The following RAB28 variants were observed in gnomAD, a reference collection of about 807,000 sequenced individuals.
The protein encoded by RAB28 is RAB28, member RAS oncogene family, also known as ras-related protein Rab-28.
RAB28 carries 24 observed loss-of-function variants against 31.7 expected under a neutral mutation model. The ratio of observed to expected loss-of-function variants is 0.76; its 90% confidence interval spans 0.55 to 1.06. The LOEUF (loss-of-function observed/expected upper bound fraction) is 1.06, where lower values mean the gene tolerates loss of function less well. Among genes scored for constraint, RAB28 ranks in the 50% least tolerant of loss-of-function variants. The pLI, the probability that RAB28 is intolerant of heterozygous loss-of-function variation, is 0.00. For synonymous variants in RAB28, 100 were observed against 90.4 expected (o/e 1.11, Z -0.60); for missense variants, 254 against 258.5 (o/e 0.98, Z 0.12).
intron 3 of RAB28, chr4:13,474,096 G>A (rs775564528): frequency 6.6e-5 from 45 of 684,362 alleles, no homozygotes; most frequent in African/African-American, 6.1e-4. Flanking sequence ...AATAACATAC[G>A]AAAGCTGTTC....
chr4:13,418,363 G>A (rs1318107922), intron 4 of RAB28, among the ~76,000 whole-genome samples: 1 of 152,134 alleles, frequency 6.6e-6, no homozygotes, highest in Non-Finnish European at 1.5e-5. Flanking sequence ...CCCCAACCCA[G>A]CAAGGCAGGC....
intron 4 of RAB28, among the ~76,000 whole-genome samples, chr4:13,453,208 T>C (rs1715071221): frequency 6.6e-6 from 1 of 152,100 alleles, no homozygotes. Flanking sequence ...GTTTTGTTTA[T>C]TTGTCTTAAT....
chr4:13,395,212 T>C (rs1729820835), intron 4 of RAB28, among the ~76,000 whole-genome samples: 2 of 152,228 alleles, frequency 1.3e-5, no homozygotes, highest in East Asian at 3.8e-4. Context: ...ATGATATAGC[T>C]GGTTTTATAT....
intron 4 of RAB28, among the ~76,000 whole-genome samples, chr4:13,435,017 CAAAA>C (rs991889676): frequency 2.1e-5 from 1 of 47,044 alleles, no homozygotes. Context: ...GACTCCGTCT[CAAAA>C]AAAAAAAAAA....
intron 4 of RAB28, among the ~76,000 whole-genome samples, chr4:13,407,327 C>T (rs575566606): frequency 3.1e-4 from 47 of 152,112 alleles, no homozygotes; most frequent in African/African-American, 1.1e-3. Context: ...AGATGTGTGG[C>T]GTTATTTCTG....
At chr4:13,420,620 T>G (rs1238778747) in intron 4 of RAB28, among the ~76,000 whole-genome samples, 2 of 152,086 alleles carry the variant, frequency 1.3e-5, no homozygotes, top group Non-Finnish European at 2.9e-5. Context: ...AATCAATAAA[T>G]GTAATCCATC....
chr4:13,450,031 T>C (rs2108950080), intron 4 of RAB28, among the ~76,000 whole-genome samples: 1 of 151,956 alleles, frequency 6.6e-6, no homozygotes, highest in South Asian at 2.1e-4. Flanking sequence ...GAACTTAAAA[T>C]TAATCTTTTT....
chr4:13,471,104 A>T (rs1716096182), intron 3 of RAB28, among the ~76,000 whole-genome samples: 1 of 152,094 alleles, frequency 6.6e-6, no homozygotes, highest in African/African-American at 2.4e-5. Context: ...AACCCTAAAT[A>T]ACACATTAAA....
intron 4 of RAB28, among the ~76,000 whole-genome samples, chr4:13,458,700 G>A (rs888159494): frequency 2.0e-5 from 3 of 152,084 alleles, no homozygotes; most frequent in Non-Finnish European, 4.4e-5. Context: ...CTTTTATACC[G>A]TATTTTTACT....
intron 3 of RAB28, among the ~76,000 whole-genome samples, chr4:13,469,819 G>A (rs375640941): frequency 5.9e-5 from 9 of 151,964 alleles, no homozygotes; most frequent in Non-Finnish European, 8.8e-5. Context: ...CTCTCTAGTA[G>A]CTAGGACTAC....
At chr4:13,376,210 A>G (rs1728915500) in intron 6 of RAB28, among the ~76,000 whole-genome samples, 1 of 152,148 alleles carries the variant, frequency 6.6e-6, no homozygotes, top group Non-Finnish European at 1.5e-5. Flanking sequence ...ATGTTTTAAA[A>G]TTGAATAGAG....
At chr4:13,474,775 C>A (rs1453813135) in intron 2 of RAB28, among the ~76,000 whole-genome samples, 2 of 151,498 alleles carry the variant, frequency 1.3e-5, no homozygotes, top group African/African-American at 2.4e-5. Context: ...AAAACTGAAG[C>A]TTTATATACT....
intron 4 of RAB28, among the ~76,000 whole-genome samples, chr4:13,445,287 A>G (rs1714637595): frequency 6.6e-6 from 1 of 151,954 alleles, no homozygotes; most frequent in Non-Finnish European, 1.5e-5. Flanking sequence ...GTAACCTTTC[A>G]TCAATGTTCA....
rs1729922341 is a variant in RAB28, at chr4:13,397,590, A to G, written c.392-15996T>C. 2.0e-5 allele frequency among the ~76,000 whole-genome samples: 3 copies of G among 152,138 alleles called. No homozygotes were observed. In the South Asian group the frequency reaches 6.2e-4, roughly 32 times the overall value. On this transcript the variant is annotated intron_variant, in intron 4 of 6. Transcript: ENST00000330852. ...AACAATATGACATTCTTCTCTTCAAATCCAATTTCTTACATGATCATAAAG... is the reference window on the plus strand; with the variant it reads ...AACAATATGACATTCTTCTCTTCAAGTCCAATTTCTTACATGATCATAAAG...
intron 4 of RAB28, among the ~76,000 whole-genome samples, chr4:13,382,229 A>G (rs1197103468): frequency 1.3e-5 from 2 of 152,194 alleles, no homozygotes; most frequent in Non-Finnish European, 2.9e-5. Flanking sequence ...TAGGTGCTTT[A>G]AAGCAAGGCA....
intron 2 of RAB28, among the ~76,000 whole-genome samples, chr4:13,474,935 C>T (rs890995258): frequency 6.6e-6 from 1 of 151,492 alleles, no homozygotes; most frequent in Non-Finnish European, 1.5e-5. Flanking sequence ...CAGCTACTAT[C>T]GGATATGGCA....
At chr4:13,482,793 A>C (rs969289649) in intron 1 of RAB28, among the ~76,000 whole-genome samples, 4 of 152,186 alleles carry the variant, frequency 2.6e-5, no homozygotes, top group African/African-American at 9.7e-5. Flanking sequence ...ACAAAAAAAT[A>C]CTTCAAATTT....
At chr4:13,424,732 T>C (rs1416728276) in intron 4 of RAB28, among the ~76,000 whole-genome samples, 1 of 152,222 alleles carries the variant, frequency 6.6e-6, no homozygotes, top group African/African-American at 2.4e-5. Flanking sequence ...AACCAATAAG[T>C]GATCCATGTT....
chr4:13,394,116 T>C (rs979271591), intron 4 of RAB28, among the ~76,000 whole-genome samples: 10 of 151,814 alleles, frequency 6.6e-5, no homozygotes. Context: ...GATAAGAGAG[T>C]AACAGAGTGA....
Sources: allele counts gnomAD v4.1 joint callset (sites outside exome capture counted in the v4.1 genomes callset), GRCh38; gene constraint gnomAD v4.1.1; transcripts MANE v1.5; gene names NCBI Gene and HGNC (gene_info 2026-07-23, HGNC 2026-07-21).